The following QTGAL variants were observed in gnomAD, a reference collection of about 807,000 sequenced individuals.
QTGAL encodes the protein queuosine-tRNA galactosyltransferase.
the QTGAL span, among the ~76,000 whole-genome samples, chr17:82,977,760 G>A: frequency 9.4e-4 from 143 of 152,254 alleles, no homozygotes; most frequent in African/African-American, 3.2e-3. Flanking sequence ...AGGAGAAGCC[G>A]GCTGATTCCA....
chr17:82,958,886 G>T, the QTGAL span, among the ~76,000 whole-genome samples: 3 of 142,570 alleles, frequency 2.1e-5, 1 homozygote, highest in African/African-American at 8.0e-5. Context: ...TACACTGGGG[G>T]TGTATGGTGT....
the QTGAL span, among the ~76,000 whole-genome samples, chr17:82,996,789 T>C: frequency 0.012 from 1,849 of 152,252 alleles, 42 homozygotes; most frequent in African/African-American, 0.042. Context: ...AGAACTTACA[T>C]TGGGGAAGAG....
the QTGAL span, among the ~76,000 whole-genome samples, chr17:82,992,884 TA>T: frequency 6.6e-6 from 1 of 152,180 alleles, no homozygotes; most frequent in South Asian, 2.1e-4. Flanking sequence ...CAAATAGTAT[TA>T]AGTTGTTATT....
At chr17:82,955,311 C>T in the QTGAL span, among the ~76,000 whole-genome samples, 3 of 152,158 alleles carry the variant, frequency 2.0e-5, no homozygotes, top group Admixed American at 6.5e-5. Context: ...AGGACATGAA[C>T]AGACACTTCT....
At chr17:82,969,880 A>G in the QTGAL span, among the ~76,000 whole-genome samples, 37 of 151,742 alleles carry the variant, frequency 2.4e-4, 1 homozygote, top group Admixed American at 2.4e-3. Flanking sequence ...GGGTTTCACC[A>G]TATTGCCCAG....
chr17:82,959,934 C>T, the QTGAL span, among the ~76,000 whole-genome samples: 1 of 152,166 alleles, frequency 6.6e-6, no homozygotes, highest in African/African-American at 2.4e-5. Context: ...CCAGGGCGCC[C>T]TATGCCTCTC....
At chr17:83,000,666 A>G in the QTGAL span, among the ~76,000 whole-genome samples, 2 of 152,210 alleles carry the variant, frequency 1.3e-5, no homozygotes, top group Non-Finnish European at 2.9e-5. Flanking sequence ...CAGTATTCCT[A>G]GGCCATGCTG....
the QTGAL span, among the ~76,000 whole-genome samples, chr17:82,952,244 C>T: frequency 2.6e-5 from 4 of 152,264 alleles, no homozygotes; most frequent in Admixed American, 2.0e-4. Context: ...GGGCAGGAAC[C>T]GTGACCCGCC....
the QTGAL span, chr17:82,947,006 C>T: frequency 1.3e-6 from 2 of 1,551,312 alleles, no homozygotes; most frequent in Non-Finnish European, 1.7e-6. Flanking sequence ...GCAGATTCAG[C>T]TCAGTCCGGT....
chr17:82,983,056 G>A, the QTGAL span, among the ~76,000 whole-genome samples: 1 of 152,178 alleles, frequency 6.6e-6, no homozygotes, highest in Non-Finnish European at 1.5e-5. Flanking sequence ...CGAGGCAGAT[G>A]GATCACCTGA....
the QTGAL span, chr17:82,961,437 T>G: frequency 1.9e-6 from 1 of 531,570 alleles, no homozygotes; most frequent in Non-Finnish European, 3.4e-6. Flanking sequence ...AAATTCCATT[T>G]TGAGCAGTAA....
chr17:82,964,028 C>CG, the QTGAL span, among the ~76,000 whole-genome samples: 39,833 of 139,536 alleles, frequency 0.29, 5,834 homozygotes, highest in East Asian at 0.4. Context: ...AGGCTGAGGT[C>CG]GGGGGGGTGG....
the QTGAL span, among the ~76,000 whole-genome samples, chr17:83,050,523 C>T: frequency 6.6e-6 from 1 of 152,108 alleles, no homozygotes; most frequent in Non-Finnish European, 1.5e-5. Context: ...CTTGATTCAC[C>T]TGTTACCAAT....
chr17:82,961,252 A>C, the QTGAL span: 1 of 1,538,310 alleles, frequency 6.5e-7, no homozygotes, highest in African/African-American at 1.4e-5. Flanking sequence ...TGCACACTAC[A>C]CCTGCGCTCA....
the QTGAL span, among the ~76,000 whole-genome samples, chr17:83,011,175 C>A: frequency 8.5e-5 from 13 of 152,208 alleles, no homozygotes. Context: ...GTCAGGAATC[C>A]AAGGGTCAGC....
the QTGAL span, among the ~76,000 whole-genome samples, chr17:82,961,754 C>T: frequency 4.4e-4 from 67 of 152,362 alleles, no homozygotes; most frequent in East Asian, 3.9e-4. Context: ...GGCTTATCCC[C>T]GAACACTCCC....
At chr17:82,991,105 T>C in the QTGAL span, among the ~76,000 whole-genome samples, 1 of 152,158 alleles carries the variant, frequency 6.6e-6, no homozygotes, top group Non-Finnish European at 1.5e-5. Flanking sequence ...TGTAGATCTG[T>C]ATGTAAAACC....
the QTGAL span, among the ~76,000 whole-genome samples, chr17:83,014,146 C>T: frequency 2.0e-5 from 3 of 152,220 alleles, no homozygotes. Flanking sequence ...TAACTGTGAA[C>T]ACGGTATAGC....
At chr17:83,043,227 C>G in the QTGAL span, among the ~76,000 whole-genome samples, 2 of 152,208 alleles carry the variant, frequency 1.3e-5, no homozygotes, top group Non-Finnish European at 2.9e-5. Context: ...CACACATTCT[C>G]AGGTGTGCAC....
Sources: gnomAD v4.1 joint callset for allele counts (sites outside exome capture counted in the v4.1 genomes callset) on GRCh38, gnomAD v4.1.1 for gene constraint, MANE v1.5 for transcripts, NCBI Gene and HGNC (gene_info 2026-07-23, HGNC 2026-07-21) for gene names.